The following IQGAP2 variants were observed in gnomAD, a reference collection of about 807,000 sequenced individuals.
IQGAP2 encodes ras GTPase-activating-like protein IQGAP2.
Under a neutral mutation model 201.3 loss-of-function variants are expected in IQGAP2, and 173 were observed. The observed-to-expected ratio is 0.86, with a 90% CI of 0.76 to 0.98. IQGAP2 has a LOEUF of 0.98. Ranked by LOEUF, IQGAP2 falls within the 50% of genes least tolerant of loss-of-function variation. The pLI, the probability that IQGAP2 is intolerant of heterozygous loss-of-function variation, is 0.00. For missense variants in IQGAP2, 1,687 were observed against 1,864.8 expected (o/e 0.90, Z 1.76); for synonymous variants, 675 against 673.9 (o/e 1.00, Z -0.03).
intron 2 of IQGAP2, among the ~76,000 whole-genome samples, chr5:76,481,235 T>A (rs1367972147): frequency 6.6e-6 from 1 of 152,118 alleles, no homozygotes; most frequent in Non-Finnish European, 1.5e-5. Context: ...GTCCTCTATA[T>A]AGAAATATAA....
chr5:76,603,497 G>A (rs1056504959), intron 11 of IQGAP2, among the ~76,000 whole-genome samples: 1 of 152,176 alleles, frequency 6.6e-6, no homozygotes, highest in Non-Finnish European at 1.5e-5. Context: ...TTTAGTGTTT[G>A]GTTCAGTGCC....
chr5:76,452,047 A>C (rs1185991390), intron 1 of IQGAP2, among the ~76,000 whole-genome samples: 1 of 152,028 alleles, frequency 6.6e-6, no homozygotes, highest in Non-Finnish European at 1.5e-5. Flanking sequence ...AAAAAGAAAA[A>C]AATTTAATCT....
At chr5:76,610,100 ATATATATATATATATTTTT>A (rs1748199122) in intron 12 of IQGAP2, among the ~76,000 whole-genome samples, 3 of 17,716 alleles carry the variant, frequency 1.7e-4, no homozygotes, top group African/African-American at 5.7e-4. Context: ...ATATATATAT[ATATATATATATATATTTTT>A]TTTTTTTTTT....
At position 76,562,570 on chromosome 5, in the gene IQGAP2, G is replaced by A. The variant is rs184151390; in HGVS notation, c.303+18G>A. ...GTTATAAGGTAACCAAGATCTAATT[G>A]GTTTTGGCTTCCAGCTAAAAGTGAA... is the stretch of plus-strand genomic sequence containing the variant. On this transcript the variant is annotated intron_variant, in intron 3 of 35. Transcript: ENST00000274364. 5,488 of 1,601,958 alleles carry A rather than the reference G, an allele frequency of 3.4e-3. 18 individuals are homozygous for A. The highest frequency in any genetic ancestry group is 4.2e-3 in the Non-Finnish European group (4,892 of 1,172,842).
intron 4 of IQGAP2, among the ~76,000 whole-genome samples, chr5:76,575,417 A>G (rs1580495544): frequency 6.6e-6 from 1 of 152,144 alleles, no homozygotes; most frequent in East Asian, 1.9e-4. Context: ...ATGAAATGAA[A>G]CACTGCCACT....
intron 1 of IQGAP2, among the ~76,000 whole-genome samples, chr5:76,450,503 G>A (rs1252576570): frequency 1.3e-5 from 2 of 152,186 alleles, no homozygotes; most frequent in East Asian, 3.8e-4. Context: ...TTGAATCTTA[G>A]TTAAGTGGAG....
intron 13 of IQGAP2, among the ~76,000 whole-genome samples, chr5:76,614,526 T>C (rs1748722615): frequency 1.3e-5 from 2 of 152,026 alleles, no homozygotes; most frequent in African/African-American, 2.4e-5. Context: ...CTTTCTTTTC[T>C]CAGCCTGTTC....
chr5:76,505,180 A>G (rs1401220581), intron 2 of IQGAP2, among the ~76,000 whole-genome samples: 2 of 152,060 alleles, frequency 1.3e-5, no homozygotes, highest in Non-Finnish European at 2.9e-5. Context: ...CTCAGTGCCT[A>G]GGGCAGACCC....
intron 2 of IQGAP2, among the ~76,000 whole-genome samples, chr5:76,511,995 A>G (rs762510384): frequency 4.6e-5 from 7 of 152,200 alleles, no homozygotes; most frequent in African/African-American, 9.6e-5. Flanking sequence ...TGAGTTTTAT[A>G]CAGACAATTG....
chr5:76,563,441 C>T (rs1029997964), intron 3 of IQGAP2, among the ~76,000 whole-genome samples: 1 of 151,986 alleles, frequency 6.6e-6, no homozygotes, highest in African/African-American at 2.4e-5. Flanking sequence ...GGAAGGTAGA[C>T]AGATGATAAA....
chr5:76,466,622 C>T (rs1415091593), intron 2 of IQGAP2, among the ~76,000 whole-genome samples: 3 of 152,180 alleles, frequency 2.0e-5, no homozygotes, highest in African/African-American at 7.2e-5. Context: ...CCCTTTTCAA[C>T]AGAGGATGCT....
In IQGAP2 at chr5:76,644,587, A is replaced by G. The variant is rs147156637; in HGVS notation, c.2094+3484A>G. On this transcript the variant is annotated intron_variant, in intron 17 of 35. Transcript: ENST00000274364. Reference sequence around the variant, plus strand: ...AGTGCTGGGATTATAGGCATAAGCCACCACACCTGGCCTGTAAATCCCATC... The same window carrying G: ...AGTGCTGGGATTATAGGCATAAGCCGCCACACCTGGCCTGTAAATCCCATC... 2.9e-3 allele frequency among the ~76,000 whole-genome samples: 435 copies of G among 151,040 alleles called. 1 individual carries two copies. Among genetic ancestry groups the G allele is most frequent in the African/African-American group, 0.01 (416 of 41,476 alleles).
At chr5:76,487,394 T>A (rs1274893921) in intron 2 of IQGAP2, among the ~76,000 whole-genome samples, 1 of 152,154 alleles carries the variant, frequency 6.6e-6, no homozygotes, top group African/African-American at 2.4e-5. Flanking sequence ...ACCGCGTCTA[T>A]TGGTACTCCA....
intron 10 of IQGAP2, among the ~76,000 whole-genome samples, chr5:76,599,950 T>A (rs1450910268): frequency 2.0e-5 from 3 of 152,160 alleles, no homozygotes; most frequent in Non-Finnish European, 4.4e-5. Context: ...TAAGACGTAT[T>A]TTTTTGGATA....
At chr5:76,535,692 A>G (rs1347450545) in intron 2 of IQGAP2, among the ~76,000 whole-genome samples, 1 of 152,216 alleles carries the variant, frequency 6.6e-6, no homozygotes, top group African/African-American at 2.4e-5. Flanking sequence ...AGAGGTAAAG[A>G]TAAGCTAAGC....
At position 76,671,979 on chromosome 5, in the gene IQGAP2, G is replaced by T. The variant is rs754381501; in HGVS notation, c.3064G>T (p.Ala1022Ser). 6 of 1,607,376 alleles carry T rather than the reference G, an allele frequency of 3.7e-6. No individual in the cohort carries two copies. The highest frequency in any genetic ancestry group is 5.1e-6 in the Non-Finnish European group (6 of 1,174,526). Residue 1022 changes from alanine (A) to serine (S), a missense_variant, in exon 24 of 36, where the codon GCC becomes TCC. Physicochemically the swap from Ala to Ser is moderately conservative, Grantham distance 99 (BLOSUM62 1). Coordinates refer to ENST00000274364, the MANE Select transcript of IQGAP2 (RefSeq NM_006633.5). The stretch of plus-strand genomic sequence containing the variant: ...CCAACTAGAAACACAGACTGGAGAG[G>T]CCAGGTAATAGAATCAGGAAGGTGT... ...VNQLETQTGE[A>S]SKLPYDVTTE... is the part of the protein sequence containing the mutation.
chr5:76,689,230 TAAAAA>T (rs11424254), intron 30 of IQGAP2, among the ~76,000 whole-genome samples: 6 of 86,490 alleles, frequency 6.9e-5, no homozygotes, highest in South Asian at 5.2e-4. Context: ...CAGGGATATT[TAAAAA>T]AAAAAAAAAA....
chr5:76,604,502 A>C (rs1747663800), intron 11 of IQGAP2, among the ~76,000 whole-genome samples: 1 of 152,032 alleles, frequency 6.6e-6, no homozygotes. Flanking sequence ...TACTGGGTCA[A>C]ATGGTGTTAC....
intron 2 of IQGAP2, among the ~76,000 whole-genome samples, chr5:76,487,673 T>C (rs1756251488): frequency 6.6e-6 from 1 of 152,178 alleles, no homozygotes; most frequent in Non-Finnish European, 1.5e-5. Context: ...GTATGTGCTT[T>C]TTTTTATGCA....
Sources: gnomAD v4.1 joint callset for allele counts (sites outside exome capture counted in the v4.1 genomes callset) on GRCh38, gnomAD v4.1.1 for gene constraint, MANE v1.5 for transcripts, NCBI Gene and HGNC (gene_info 2026-07-23, HGNC 2026-07-21) for gene names.